MTMR10: variants seen among roughly 807,000 people sequenced by gnomAD.
MTMR10 encodes myotubularin related protein 10, also known as myotubularin-related protein 10.
MTMR10 carries 56 observed loss-of-function variants against 88.1 expected under a neutral mutation model. The ratio of observed to expected loss-of-function variants is 0.64; its 90% CI spans 0.51 to 0.79. The LOEUF (loss-of-function observed/expected upper bound fraction) is 0.79. Among genes scored for constraint, MTMR10 ranks in the 30% least tolerant of loss-of-function variants. MTMR10 has a pLI of 0.00. For synonymous variants in MTMR10, 380 were observed against 340.9 expected (o/e 1.11, Z -1.26); for missense variants, 883 against 924.7 (o/e 0.95, Z 0.58).
chr15:30,945,464 T>G (rs746763540), intron 14 of MTMR10, among the ~76,000 whole-genome samples: 15 of 152,104 alleles, frequency 9.9e-5, no homozygotes, highest in Non-Finnish European at 1.9e-4. Flanking sequence ...CTGGGAGTCC[T>G]CCACGCAGAT....
intron 9 of MTMR10, among the ~76,000 whole-genome samples, chr15:30,957,192 T>C (rs1056246509): frequency 6.6e-6 from 1 of 152,146 alleles, no homozygotes; most frequent in Non-Finnish European, 1.5e-5. Context: ...TGAATAAATA[T>C]CATATATGCT....
intron 2 of MTMR10, among the ~76,000 whole-genome samples, chr15:30,980,040 G>A (rs1306134322): frequency 1.3e-5 from 2 of 152,234 alleles, no homozygotes; most frequent in African/African-American, 4.8e-5. Context: ...TCACAGAAAA[G>A]GTTTGCTGAT....
the MTMR10 span, among the ~76,000 whole-genome samples, chr15:30,933,275 C>G: frequency 6.6e-6 from 1 of 152,146 alleles, no homozygotes; most frequent in South Asian, 2.1e-4. Context: ...CTCCAAATTT[C>G]CTTCTCAGTG....
In MTMR10 at chr15:30,940,364, G is replaced by A. The variant is rs944551545; in HGVS notation, c.*1106C>T. The A allele has an allele frequency of 3.0e-6, 3 of 985,276 alleles. No individual in the cohort carries two copies. Among genetic ancestry groups the A allele is most frequent in the Non-Finnish European group, 3.6e-6 (3 of 829,934 alleles). 61.0% of individuals were successfully genotyped at this position (985,276 alleles called of 1,614,324 possible). A position where few individuals can be genotyped will look rare whatever the true frequency, so the allele number is the denominator to read the frequency against. On this transcript the variant is annotated 3_prime_UTR_variant, in exon 16 of 16. Coordinates refer to ENST00000435680, the MANE Select transcript of MTMR10 (RefSeq NM_017762.3). ...CTGTCCAAAGTTGGGGGCTGGGGGA[G>A]CACTTCTGTCGCTATTCAAATGGCA... is the stretch of plus-strand genomic sequence containing the variant.
At chr15:30,927,750 C>T in the MTMR10 span, 1 of 985,736 alleles carries the variant, frequency 1.0e-6, no homozygotes, top group Non-Finnish European at 1.2e-6. Context: ...GTCGGGAGGG[C>T]TGATGTGCAG....
chr15:30,943,318 C>T (rs950210141), intron 14 of MTMR10: 5 of 985,294 alleles, frequency 5.1e-6, no homozygotes, highest in African/African-American at 1.7e-5. Context: ...CCAAGGAAGC[C>T]GTGCCCTTTG....
In MTMR10 at chr15:30,974,417, T is replaced by G; in HGVS notation, c.371A>C (p.Asn124Thr). 2.5e-6 allele frequency: 4 copies of G among 1,603,080 alleles called. No individual in the cohort carries two copies. Among genetic ancestry groups the G allele is most frequent in the Non-Finnish European group, 3.4e-6 (4 of 1,173,162 alleles). Reference sequence around the variant, plus strand: ...TGTTGGATTAAATTTCAGTTTCTGGTTGGGGCCTAGGACTTTCTGCTTCCT... The same window carrying G: ...TGTTGGATTAAATTTCAGTTTCTGGGTGGGGCCTAGGACTTTCTGCTTCCT... Reference protein sequence around the residue: ...HKRKQKVLGPNQKLKFNPTEL... With the variant: ...HKRKQKVLGPTQKLKFNPTEL... The change falls in exon 5 of 16, where the codon AAC (asparagine) becomes ACC (threonine). Residue 124 changes from asparagine to threonine, a missense_variant. This residue lies in a region of MTMR10 where 414 missense variants were observed against 423.2 expected (regional missense o/e 0.98). Coordinates refer to ENST00000435680, the MANE Select transcript of MTMR10 (RefSeq NM_017762.3).
chr15:30,976,106 TA>T (rs34173071), intron 3 of MTMR10, among the ~76,000 whole-genome samples: 43,718 of 142,572 alleles, frequency 0.31, 6,672 homozygotes, highest in African/African-American at 0.34. Flanking sequence ...CTAATTAGTT[TA>T]AAAAAAAAAA....
At chr15:30,963,682 T>TAGACAGAC (rs2063437375) in intron 6 of MTMR10, among the ~76,000 whole-genome samples, 2 of 19,822 alleles carry the variant, frequency 1.0e-4, no homozygotes. Flanking sequence ...GATAGATAGA[T>TAGACAGAC]AGATAGATAG....
intron 13 of MTMR10, 131 bp downstream of exon 13, chr15:30,948,171 T>TC (rs2063197180): frequency 2.7e-6 from 2 of 754,612 alleles, no homozygotes; most frequent in Middle Eastern, 3.2e-4. Flanking sequence ...AATCCATTAG[T>TC]TAGCTTTGGA....
chr15:30,941,982 A>G lies in MTMR10; in HGVS notation c.1822T>C (p.Leu608=). Residue 608 remains leucine (L), a synonymous_variant, in exon 16 of 16, where the codon TTG becomes CTG. Coordinates refer to ENST00000435680, the MANE Select transcript of MTMR10 (RefSeq NM_017762.3). The stretch of plus-strand genomic sequence containing the variant: ...GGATCTGGCTTTGGTTTTAATATCA[A>G]TGAATTTCTCCTTGGAAGTAATTCT... ...DQELLPRRNS[L]ILKPKPDPAQ... The G allele has an allele frequency of 1.9e-6, 3 of 1,613,964 alleles. No homozygotes were observed. The highest frequency in any genetic ancestry group is 2.5e-6 in the Non-Finnish European group (3 of 1,179,894).
the MTMR10 span, chr15:30,922,153 A>T: frequency 1.3e-6 from 2 of 1,496,788 alleles, no homozygotes; most frequent in Non-Finnish European, 1.8e-6. Context: ...AATAGGCTTT[A>T]CCAATCCTAT....
intron 2 of MTMR10, among the ~76,000 whole-genome samples, chr15:30,981,183 T>A (rs2030545850): frequency 1.3e-5 from 2 of 152,248 alleles, no homozygotes; most frequent in African/African-American, 4.8e-5. Flanking sequence ...TATTGACTAA[T>A]TACTGTGGTA....
At chr15:30,929,744 T>TATGA in the MTMR10 span, among the ~76,000 whole-genome samples, 6 of 49,412 alleles carry the variant, frequency 1.2e-4, no homozygotes, top group African/African-American at 4.2e-4. Flanking sequence ...ATATATTATA[T>TATGA]CATATATAAT....
chr15:30,991,310 G>A (rs1192126735), intron 1 of MTMR10, 137 bp downstream of exon 1: 11 of 896,628 alleles, frequency 1.2e-5, no homozygotes, highest in Admixed American at 3.8e-5. Context: ...TCGCGGCGCC[G>A]GGAATCAGGC....
intron 5 of MTMR10, among the ~76,000 whole-genome samples, chr15:30,968,577 A>ACACACACACACACACAC (rs1566960338): frequency 6.7e-5 from 10 of 149,284 alleles, no homozygotes; most frequent in African/African-American, 2.0e-4. Flanking sequence ...ACACACACAC[A>ACACACACACACACACAC]AACTGTGTTT....
intron 12 of MTMR10, among the ~76,000 whole-genome samples, chr15:30,951,147 G>GT (rs1241642708): frequency 1.3e-5 from 2 of 152,180 alleles, no homozygotes; most frequent in Non-Finnish European, 2.9e-5. Context: ...TCTATTAGCT[G>GT]TAAGTTATTT....
the MTMR10 span, chr15:30,927,929 A>T: frequency 1.0e-6 from 1 of 985,718 alleles, no homozygotes; most frequent in Non-Finnish European, 1.2e-6. Flanking sequence ...TCAGTAAAAC[A>T]TTTGTGTGAC....
intron 14 of MTMR10, chr15:30,943,781 A>G (rs1169394317): frequency 1.0e-6 from 1 of 985,348 alleles, no homozygotes; most frequent in African/African-American, 1.7e-5. Flanking sequence ...CAACCACCGC[A>G]TTGTGAGGAA....
Sources: allele counts gnomAD v4.1 joint callset (sites outside exome capture counted in the v4.1 genomes callset), GRCh38; gene constraint gnomAD v4.1.1; regional missense constraint gnomAD v4.1.1; transcripts MANE v1.5; gene names NCBI Gene and HGNC (gene_info 2026-07-23, HGNC 2026-07-21).